TG: variants seen among roughly 807,000 people sequenced by gnomAD.
TG encodes the protein thyroglobulin.
TG carries 270 observed loss-of-function variants against 324.7 expected under a neutral mutation model. The ratio of observed to expected loss-of-function variants is 0.83; its 90% CI spans 0.75 to 0.92. The LOEUF is 0.92. Among genes scored for constraint, TG ranks in the 40% least tolerant of loss-of-function variants. The pLI, the probability that TG is intolerant of heterozygous loss-of-function variation, is 0.00. For synonymous variants in TG, 1,401 were observed against 1,327.0 expected, an observed-to-expected ratio of 1.06 and a Z score of -1.21; for missense variants, 3,591 against 3,456.4, an observed-to-expected ratio of 1.04 and a Z score of -0.98.
intron 38 of TG, 140 bp from the exon 39 acceptor site, chr8:133,019,462 A>G (rs1241125860): frequency 2.9e-6 from 2 of 692,592 alleles, no homozygotes; most frequent in African/African-American, 3.5e-5. Flanking sequence ...TTCCACTCCC[A>G]TTTCCTGAAG....
Position 132,929,096 on chromosome 8 carries a change from G to A in TG, c.4720G>A (p.Val1574Ile). The change falls in exon 23 of 48, where the codon GTT (valine) becomes ATT (isoleucine). Residue 1574 changes from valine (V) to isoleucine (I), a missense_variant. Physicochemically the swap from Val to Ile is conservative, Grantham distance 29 (BLOSUM62 3). Coordinates refer to ENST00000220616, the MANE Select transcript of TG (RefSeq NM_003235.5). ...TTTAGTGATGCAGAAGTTTGAGAAG[G>A]TTCCAGAATCAAAGGTGATCTTCGA... ...QCLMMQKFEK[V>I]PESKVIFDAN... The A allele has an allele frequency of 6.2e-7, 1 of 1,613,970 alleles. No individual in the cohort carries two copies. The highest frequency in any genetic ancestry group is 8.5e-7 in the Non-Finnish European group (1 of 1,180,020).
At chr8:133,087,071 TACACACACACACACAC>T (rs56028043) in intron 41 of TG, among the ~76,000 whole-genome samples, 3,599 of 143,106 alleles carry the variant, frequency 0.025, 64 homozygotes, top group East Asian at 0.057. Context: ...AATATATGTT[TACACACACACACACAC>T]ACACACACAC....
chr8:132,921,719 A>G (rs1821134540), intron 21 of TG, among the ~76,000 whole-genome samples: 2 of 152,180 alleles, frequency 1.3e-5, no homozygotes, highest in Admixed American at 1.3e-4. Flanking sequence ...TCACTGGACC[A>G]TGTTTGAGGT....
rs577396780 is a variant in TG at position 132,951,454 on chromosome 8, A to G, written c.5401+2511A>G. Among the ~76,000 whole-genome samples, 86 of 152,332 alleles carry G rather than the reference A, an allele frequency of 5.6e-4. 1 individual carries two copies. In the South Asian group the frequency reaches 0.016, roughly 28 times the overall value. On this transcript the variant is annotated intron_variant, in intron 27 of 47. Transcript: ENST00000220616. ...ACAGGGTGAATACAGGCATTTCAAGAAAGACATATGATATATTCATGGCAG... is the reference window on the plus strand; with the variant it reads ...ACAGGGTGAATACAGGCATTTCAAGGAAGACATATGATATATTCATGGCAG...
Position 132,971,777 on chromosome 8 carries a change from TTCTC to T in TG, c.5976-15_5976-12del, listed in dbSNP as rs780148608. The T allele has an allele frequency of 6.2e-7, 1 of 1,603,052 alleles. No individual in the cohort carries two copies. The highest frequency in any genetic ancestry group is 1.1e-5 in the South Asian group (1 of 90,902). ...CAGTGAAAACCTTCAGGCCTGCTCT[TTCTC>T]TTCCTATGCCAGGTTCTTTGAATGT... On this transcript the variant is annotated splice_polypyrimidine_tract_variant and intron_variant, in intron 32 of 47. Coordinates refer to ENST00000220616, the MANE Select transcript of TG (RefSeq NM_003235.5).
At chr8:133,073,907 G>A (rs931496737) in intron 41 of TG, among the ~76,000 whole-genome samples, 2 of 152,008 alleles carry the variant, frequency 1.3e-5, no homozygotes, top group Admixed American at 1.3e-4. Context: ...CAATCCTATA[G>A]GATTGTTCTG....
chr8:133,030,672 G>A (rs1220528865), intron 41 of TG, among the ~76,000 whole-genome samples: 2 of 152,218 alleles, frequency 1.3e-5, no homozygotes, highest in Non-Finnish European at 2.9e-5. Context: ...ACTGGGGGTT[G>A]AGGGACAAAT....
chr8:133,069,655 C>T (rs561504494), intron 41 of TG, among the ~76,000 whole-genome samples: 35 of 152,154 alleles, frequency 2.3e-4, no homozygotes, highest in African/African-American at 6.5e-4. Flanking sequence ...TTTCTACTCT[C>T]GGCTGGGGCT....
At chr8:132,952,968 A>G (rs899752642) in intron 27 of TG, among the ~76,000 whole-genome samples, 1 of 152,118 alleles carries the variant, frequency 6.6e-6, no homozygotes, top group Non-Finnish European at 1.5e-5. Flanking sequence ...TGTGCAATTT[A>G]CTGGAAGTGG....
intron 41 of TG, chr8:133,074,837 C>T (rs1408661296): frequency 2.6e-5 from 26 of 985,320 alleles, no homozygotes; most frequent in Non-Finnish European, 3.1e-5. Flanking sequence ...ATCTCTGCCA[C>T]ATACTCCCAA....
intron 4 of TG, 136 bp from the exon 5 acceptor site, chr8:132,872,926 C>G (rs1839627974): frequency 1.0e-6 from 1 of 968,486 alleles, no homozygotes; most frequent in Non-Finnish European, 1.6e-6. Context: ...GATGTTCACA[C>G]GACAATGAAA....
chr8:132,963,470 T>A (rs1425543294), intron 29 of TG, among the ~76,000 whole-genome samples: 2 of 152,206 alleles, frequency 1.3e-5, no homozygotes, highest in African/African-American at 4.8e-5. Context: ...GAGAATCTTT[T>A]GCATGTCATG....
intron 41 of TG, among the ~76,000 whole-genome samples, chr8:133,093,147 T>C (rs773599008): frequency 0.2 from 30,463 of 149,864 alleles, 3,467 homozygotes; most frequent in Non-Finnish European, 0.26. Flanking sequence ...TTCTTTTTTT[T>C]TTTTAATTTA....
At chr8:132,882,155 G>T (rs986410410) in intron 6 of TG, among the ~76,000 whole-genome samples, 186 bp downstream of exon 6, 5 of 152,252 alleles carry the variant, frequency 3.3e-5, no homozygotes, top group East Asian at 1.9e-4. Flanking sequence ...TGCAGCTGCT[G>T]CTGGCCCACA....
At chr8:132,890,437 G>A (rs994973474) in intron 10 of TG, among the ~76,000 whole-genome samples, 1 of 152,172 alleles carries the variant, frequency 6.6e-6, no homozygotes, top group African/African-American at 2.4e-5. Context: ...AGCAGCATTG[G>A]CATTCACCTT....
chr8:133,083,654 T>G (rs1019927774), intron 41 of TG, among the ~76,000 whole-genome samples: 31 of 152,122 alleles, frequency 2.0e-4, no homozygotes, highest in African/African-American at 7.5e-4. Flanking sequence ...TAAGATTTCT[T>G]CAACCCGAAA....
chr8:133,102,518 AG>A (rs554585443), intron 43 of TG: 35 of 1,549,738 alleles, frequency 2.3e-5, no homozygotes, highest in Non-Finnish European at 3.0e-5. Flanking sequence ...TGGCCCACCC[AG>A]GGGGTCCCAA....
rs368926894 is a variant in TG at position 132,906,888 on chromosome 8, C to T, written c.3835C>T (p.Arg1279Trp). The T allele has an allele frequency of 1.4e-4, 219 of 1,612,102 alleles. No homozygotes were observed. The highest frequency in any genetic ancestry group is 1.7e-4 in the Non-Finnish European group (202 of 1,179,244). The change falls in exon 17 of 48, where the codon CGG (arginine) becomes TGG (tryptophan). Residue 1279 changes from arginine to tryptophan, a missense_variant. Coordinates refer to ENST00000220616, the MANE Select transcript of TG (RefSeq NM_003235.5). ...GRWESQLPQP[R>W]ACQRPQLWQT... ...CTGGGAGTCACAGCTGCCTCAGCCC[C>T]GGGCCTGCCAACGTGAGTGGCATCA...
rs760009107 is a variant in TG at position 132,913,865 on chromosome 8, G to A, written c.4378+600G>A. On this transcript the variant is annotated intron_variant, in intron 20 of 47. Transcript: ENST00000220616. ...TTTCTATAGGTTTGGATTACAATGC[G>A]GGCATCACTGGGCTAAAACTGAGCT... Among the ~76,000 whole-genome samples the A allele has an allele frequency of 1.4e-4, 21 of 152,158 alleles. 1 individual carries two copies. The highest frequency in any genetic ancestry group is 2.4e-4 in the Non-Finnish European group (16 of 68,020).
Sources: allele counts gnomAD v4.1 joint callset (sites outside exome capture counted in the v4.1 genomes callset), GRCh38; gene constraint gnomAD v4.1.1; transcripts MANE v1.5; gene names NCBI Gene and HGNC (gene_info 2026-07-23, HGNC 2026-07-21).